ALB: variants seen among roughly 807,000 people sequenced by gnomAD.
The protein encoded by ALB is serum albumin.
In ALB, 37 loss-of-function variants were observed where a neutral mutation model predicts 74.5. That is an observed-to-expected ratio of 0.50 (90% confidence interval 0.38 to 0.65). The LOEUF is 0.65. Among genes scored for constraint, ALB ranks in the 30% least tolerant of loss-of-function variants. The pLI is 0.00. For missense variants in ALB, 685 were observed against 718.7 expected (o/e 0.95, Z 0.54); for synonymous variants, 249 against 251.6 (o/e 0.99, Z 0.10).
chr4:73,412,783 A>G (rs1265795593), intron 7 of ALB, among the ~76,000 whole-genome samples: 1 of 152,216 alleles, frequency 6.6e-6, no homozygotes, highest in African/African-American at 2.4e-5. Context: ...GACTTGGAGA[A>G]GGTCACTACT....
intron 4 of ALB, chr4:73,409,028 T>G: frequency 1.7e-6 from 1 of 583,336 alleles, no homozygotes; most frequent in Non-Finnish European, 3.0e-6. Context: ...GATACAATCT[T>G]TCTGAAAAAT....
chr4:73,419,290 C>T, intron 12 of ALB: 2 of 560,228 alleles, frequency 3.6e-6, no homozygotes, highest in Non-Finnish European at 3.2e-6. Flanking sequence ...GTTGGTCTTC[C>T]CACCAACTCC....
At chr4:73,411,644 G>A (rs1023811306) in intron 6 of ALB, among the ~76,000 whole-genome samples, 2 of 152,276 alleles carry the variant, frequency 1.3e-5, no homozygotes, top group Non-Finnish European at 1.5e-5. Flanking sequence ...GCTCAGAGAG[G>A]CTGAGCCCTC....
At chr4:73,420,875 A>G (rs889531812) in intron 14 of ALB, 6 of 439,148 alleles carry the variant, frequency 1.4e-5, no homozygotes, top group African/African-American at 1.0e-4. Flanking sequence ...CTGAGCTTTA[A>G]TAGGACTTAT....
In ALB at chr4:73,416,320, T is replaced by A. The variant is rs1025342545; in HGVS notation, c.1256T>A (p.Phe419Tyr). The change falls in exon 10 of 15, where the codon TTT becomes TAT. Residue 419 changes from phenylalanine (F) to tyrosine (Y), a missense_variant. Phe to Tyr is a conservative substitution (Grantham distance 22, BLOSUM62 3). Transcript: ENST00000295897. ...TTAATCAAACAAAATTGTGAGCTTT[T>A]TGAGCAGCTTGGAGAGTACAAATTC... ...QNLIKQNCEL[F>Y]EQLGEYKFQN... The A allele has an allele frequency of 1.9e-6, 3 of 1,613,702 alleles. No individual in the cohort carries two copies. Among genetic ancestry groups the A allele is most frequent in the Middle Eastern group, 1.7e-4 (1 of 6,024 alleles).
At position 73,405,192 on chromosome 4, in the gene ALB, G is replaced by A. The variant is rs377570527; in HGVS notation, c.137+19G>A. ...AAGCCTTGTAAGTTAAAATATTGAT[G>A]AATCAAATTTAATGTTTCTAATAGT... On this transcript the variant is annotated intron_variant, in intron 2 of 14. Transcript: ENST00000295897. The A allele has an allele frequency of 1.0e-4, 165 of 1,572,020 alleles. No homozygotes were observed. Among genetic ancestry groups the A allele is most frequent in the Non-Finnish European group, 1.4e-4 (163 of 1,142,096 alleles).
intron 3 of ALB, 85 bp downstream of exon 3, chr4:73,406,846 A>G (rs1718742405): frequency 4.7e-6 from 7 of 1,495,788 alleles, no homozygotes; most frequent in Non-Finnish European, 6.4e-6. Flanking sequence ...AAGTTTTCTC[A>G]ATTATTATTA....
rs1719140608 is a variant in ALB, at chr4:73,421,441, A to C, written c.*373A>C. 1.5e-5 allele frequency: 3 copies of C among 199,214 alleles called. No individual in the cohort carries two copies. The highest frequency in any genetic ancestry group is 1.0e-5 in the Non-Finnish European group (1 of 99,664). The allele number at this position is 199,214 out of a possible 1,614,324, so 12.3% of individuals were successfully genotyped here. On this transcript the variant is annotated 3_prime_UTR_variant, in exon 15 of 15. Coordinates refer to ENST00000295897, the MANE Select transcript of ALB (RefSeq NM_000477.7). ...ATGGATTATAAACATTCAAAATAAT[A>C]TTTTGACATTATGATAATTCTGAAT...
intron 3 of ALB, among the ~76,000 whole-genome samples, chr4:73,408,282 G>A (rs1318791630): frequency 3.3e-5 from 5 of 152,076 alleles, no homozygotes; most frequent in African/African-American, 9.7e-5. Context: ...CTTGATTTCT[G>A]TTATAATGAT....
At position 73,415,079 on chromosome 4, in the gene ALB, T is replaced by C; in HGVS notation, c.1103T>C (p.Val368Ala). ...YARRHPDYSV[V>A]LLLRLAKTYE... is the part of the protein sequence containing the mutation. ...AGAAGGCATCCTGATTACTCTGTCG[T>C]GCTGCTGCTGAGACTTGCCAAGACA... The change falls in exon 9 of 15, where the codon GTG becomes GCG. Residue 368 changes from valine (V) to alanine (A), a missense_variant. Transcript: ENST00000295897. The C allele has an allele frequency of 6.2e-7, 1 of 1,614,174 alleles. No homozygotes were observed. Among genetic ancestry groups the C allele is most frequent in the Non-Finnish European group, 8.5e-7 (1 of 1,180,014 alleles).
chr4:73,413,334 T>C (rs2051511), intron 7 of ALB, 86 bp from the exon 8 acceptor site: 1 of 1,227,468 alleles, frequency 8.1e-7, no homozygotes, highest in African/African-American at 1.5e-5. Flanking sequence ...ATACAATGAA[T>C]ATGTTCTGCC....
intron 6 of ALB, 87 bp downstream of exon 6, chr4:73,410,496 G>A: frequency 9.9e-7 from 1 of 1,009,566 alleles, no homozygotes; most frequent in East Asian, 2.4e-5. Flanking sequence ...TATGTATTTT[G>A]CAAAGTGCTG....
rs56150190 is a variant in ALB, at chr4:73,414,872, G to A, written c.1059-163G>A. 5.5e-3 allele frequency among the ~76,000 whole-genome samples: 834 copies of A among 152,250 alleles called. 5 individuals carry two copies. The highest frequency in any genetic ancestry group is 0.016 in the African/African-American group (675 of 41,530). ...TAGCAGAGCTAGGAATTGAGCCTTGGTAACTTTAACTCTGGACCCCAAGTC... is the reference window on the plus strand; with the variant it reads ...TAGCAGAGCTAGGAATTGAGCCTTGATAACTTTAACTCTGGACCCCAAGTC... On this transcript the variant is annotated intron_variant, in intron 8 of 14. Transcript: ENST00000295897.
chr4:73,409,654 T>G (rs1718822625), intron 5 of ALB, among the ~76,000 whole-genome samples, 167 bp downstream of exon 5: 1 of 152,172 alleles, frequency 6.6e-6, no homozygotes, highest in African/African-American at 2.4e-5. Flanking sequence ...AGGCCTACAC[T>G]CTCGTTTCTT....
intron 5 of ALB, 75 bp from the exon 6 acceptor site, chr4:73,410,237 C>T (rs564036666): frequency 4.4e-6 from 5 of 1,139,936 alleles, no homozygotes; most frequent in African/African-American, 3.0e-5. Context: ...TTGGCACAGT[C>T]TCATCTGAGC....
Position 73,409,418 on chromosome 4 carries a change from T to C in ALB, c.546T>C (p.Ala182=). The change falls in exon 5 of 15, where the codon GCT becomes GCC. Residue 182 remains alanine (A), a synonymous_variant. Coordinates refer to ENST00000295897, the MANE Select transcript of ALB (RefSeq NM_000477.7). The part of the protein sequence containing the change: ...YFYAPELLFF[A]KRYKAAFTEC... ...ATGCCCCGGAACTCCTTTTCTTTGC[T>C]AAAAGGTATAAAGCTGCTTTTACAG... The C allele has an allele frequency of 6.2e-7, 1 of 1,614,042 alleles. No homozygotes were observed. The highest frequency in any genetic ancestry group is 1.1e-5 in the South Asian group (1 of 91,070).
chr4:73,414,952 A>G, intron 8 of ALB, 83 bp from the exon 9 acceptor site: 1 of 1,535,222 alleles, frequency 6.5e-7, no homozygotes, highest in Non-Finnish European at 9.0e-7. Context: ...CTTTTGGAAT[A>G]TGAGTTACTT....
At chr4:73,417,983 G>A in intron 11 of ALB, 105 bp from the exon 12 acceptor site, 2 of 1,064,274 alleles carry the variant, frequency 1.9e-6, no homozygotes, top group South Asian at 1.3e-5. Flanking sequence ...CAAGTAGCTG[G>A]GACTACAGGT....
At chr4:73,419,704 G>C (rs1719100383) in intron 13 of ALB, 65 bp downstream of exon 13, 1 of 1,580,208 alleles carries the variant, frequency 6.3e-7, no homozygotes, top group Non-Finnish European at 8.7e-7. Flanking sequence ...TTAGGCTAGG[G>C]CTTAGGGATT....
Sources: allele counts gnomAD v4.1 joint callset (sites outside exome capture counted in the v4.1 genomes callset), GRCh38; gene constraint gnomAD v4.1.1; transcripts MANE v1.5; gene names NCBI Gene and HGNC (gene_info 2026-07-23, HGNC 2026-07-21).